VEPH1: variants seen among roughly 807,000 people sequenced by gnomAD.
The protein encoded by VEPH1 is ventricular zone-expressed PH domain-containing protein homolog 1.
In VEPH1, 80 loss-of-function variants were observed where a neutral mutation model predicts 85.2. That is an observed-to-expected ratio of 0.94 (90% confidence interval 0.78 to 1.13). The LOEUF is 1.13. Among genes scored for constraint, VEPH1 ranks in the 50% most tolerant of loss-of-function variants. The pLI is 0.00. For missense variants in VEPH1, 955 were observed against 980.5 expected (o/e 0.97, Z 0.35); for synonymous variants, 297 against 348.0 (o/e 0.85, Z 1.63).
Position 157,364,421 on chromosome 3 carries a change from C to G in VEPH1, c.1219G>C (p.Val407Leu), listed in dbSNP as rs767375080. ...TENEDHEKLQVKIQAFEDKIN... is the reference protein window; with the variant it reads ...TENEDHEKLQLKIQAFEDKIN... Reference sequence around the variant, plus strand: ...TTGTCTTCAAAAGCCTGGATTTTAACTTGGAGTTTTTCATGGTCTTCATTT... The same window carrying G: ...TTGTCTTCAAAAGCCTGGATTTTAAGTTGGAGTTTTTCATGGTCTTCATTT... Residue 407 changes from valine to leucine, a missense_variant, in exon 8 of 14, where the codon GTT becomes CTT. Physicochemically the swap from Val to Leu is conservative, Grantham distance 32 (BLOSUM62 1). Transcript: ENST00000362010. 6.2e-7 allele frequency: 1 copy of G among 1,613,984 alleles called. No homozygotes were observed. The highest frequency in any genetic ancestry group is 8.5e-7 in the Non-Finnish European group (1 of 1,179,936).
chr3:157,454,730 A>T (rs1735227562), intron 4 of VEPH1, among the ~76,000 whole-genome samples: 1 of 152,138 alleles, frequency 6.6e-6, no homozygotes, highest in African/African-American at 2.4e-5. Flanking sequence ...GTACCCAATA[A>T]GTAGTTTTTC....
intron 8 of VEPH1, 132 bp downstream of exon 8, chr3:157,364,171 A>C: frequency 3.0e-6 from 2 of 670,258 alleles, no homozygotes; most frequent in Non-Finnish European, 2.5e-6. Context: ...ATGATATTTC[A>C]TTCATGTAAG....
At chr3:157,386,845 T>A (rs1729359340) in intron 6 of VEPH1, among the ~76,000 whole-genome samples, 2 of 152,250 alleles carry the variant, frequency 1.3e-5, no homozygotes, top group African/African-American at 4.8e-5. Flanking sequence ...CATTGCTTTG[T>A]TCTATTAATG....
At chr3:157,447,159 G>A (rs1347452702) in intron 4 of VEPH1, among the ~76,000 whole-genome samples, 1 of 152,192 alleles carries the variant, frequency 6.6e-6, no homozygotes, top group Admixed American at 6.5e-5. Context: ...TTGTGGGTAA[G>A]TCATTTTCAG....
In VEPH1 at chr3:157,324,288, C is replaced by T. The variant is rs142769837; in HGVS notation, c.1736-7087G>A. On this transcript the variant is annotated intron_variant, in intron 9 of 13. Coordinates refer to ENST00000362010, the MANE Select transcript of VEPH1 (RefSeq NM_001167912.2). Reference sequence around the variant, plus strand: ...GGCCAGGCTGGTCTTGAACTCCTGACCTCAGGTGATCCGCCCACCTCAGCC... The same window carrying T: ...GGCCAGGCTGGTCTTGAACTCCTGATCTCAGGTGATCCGCCCACCTCAGCC... Among the ~76,000 whole-genome samples the T allele has an allele frequency of 9.8e-3, 1,488 of 152,142 alleles. 22 individuals carry two copies. The highest frequency in any genetic ancestry group is 0.034 in the African/African-American group (1,412 of 41,484).
intron 9 of VEPH1, among the ~76,000 whole-genome samples, chr3:157,345,346 A>G (rs1724093369): frequency 6.6e-6 from 1 of 152,140 alleles, no homozygotes; most frequent in Non-Finnish European, 1.5e-5. Flanking sequence ...AAACAACCCC[A>G]TCAAAATCAA....
At chr3:157,442,682 G>T (rs1316695249) in intron 4 of VEPH1, 2 of 1,614,114 alleles carry the variant, frequency 1.2e-6, no homozygotes, top group African/African-American at 2.7e-5. Flanking sequence ...TCACATCCTT[G>T]TGGGTAAATG....
intron 3 of VEPH1, among the ~76,000 whole-genome samples, chr3:157,462,645 T>C (rs1213483746): frequency 6.6e-6 from 1 of 152,204 alleles, no homozygotes; most frequent in Non-Finnish European, 1.5e-5. Context: ...ATCCAGTCCA[T>C]AAATCTTTCC....
chr3:157,393,320 G>T (rs1454041126), intron 6 of VEPH1, among the ~76,000 whole-genome samples: 3 of 152,162 alleles, frequency 2.0e-5, no homozygotes, highest in African/African-American at 7.2e-5. Context: ...ATCAGCTTTA[G>T]TTGCAAATGC....
At chr3:157,493,314 G>A in intron 2 of VEPH1, 1 of 456,114 alleles carries the variant, frequency 2.2e-6, no homozygotes, top group South Asian at 1.6e-5. Flanking sequence ...ATTGAGAAGT[G>A]GAATTGATTA....
At chr3:157,323,312 G>A (rs1229322621) in intron 9 of VEPH1, among the ~76,000 whole-genome samples, 1 of 152,202 alleles carries the variant, frequency 6.6e-6, no homozygotes, top group Non-Finnish European at 1.5e-5. Context: ...TTATTCATGA[G>A]TGGACACTGC....
chr3:157,490,169 A>G (rs1739094619), intron 2 of VEPH1, among the ~76,000 whole-genome samples: 1 of 152,024 alleles, frequency 6.6e-6, no homozygotes, highest in Non-Finnish European at 1.5e-5. Context: ...CACCCAGTTA[A>G]GATACTGATA....
In VEPH1 at chr3:157,335,778, T is replaced by C. The variant is rs145095274; in HGVS notation, c.1736-18577A>G. On this transcript the variant is annotated intron_variant, in intron 9 of 13. Coordinates refer to ENST00000362010, the MANE Select transcript of VEPH1 (RefSeq NM_001167912.2). ...TCTGCTGGGAAAAAGATGGGAGTTA[T>C]TGGCTCCGAGTTAGTGAAGCCTCTT... 3.7e-4 allele frequency among the ~76,000 whole-genome samples: 56 copies of C among 152,332 alleles called. 1 individual carries two copies. Among genetic ancestry groups the C allele is most frequent in the African/African-American group, 1.3e-3 (54 of 41,568 alleles).
rs185363284 is a variant in VEPH1, at chr3:157,304,317, T to G, written c.2010+9304A>C. Among the ~76,000 whole-genome samples the G allele has an allele frequency of 2.0e-3, 301 of 152,236 alleles. 1 individual carries two copies. The highest frequency in any genetic ancestry group is 3.4e-3 in the Middle Eastern group (1 of 294). On this transcript the variant is annotated intron_variant, in intron 11 of 13. Transcript: ENST00000362010. ...GTTAGCCAGATGGGGCACATTTTAC[T>G]TCAGCAGAAAATGTAGTTTATTTTA...
chr3:157,331,110 T>A (rs533540858), intron 9 of VEPH1, among the ~76,000 whole-genome samples: 30 of 152,308 alleles, frequency 2.0e-4, no homozygotes, highest in African/African-American at 7.2e-4. Flanking sequence ...GTCCTGGAGC[T>A]CTTGCTGCCC....
At chr3:157,375,826 G>A (rs1207752031) in intron 7 of VEPH1, among the ~76,000 whole-genome samples, 1 of 152,092 alleles carries the variant, frequency 6.6e-6, no homozygotes, top group Non-Finnish European at 1.5e-5. Flanking sequence ...TGAAGAGCAA[G>A]CATAAAATCT....
intron 2 of VEPH1, among the ~76,000 whole-genome samples, chr3:157,484,415 C>T (rs1738431047): frequency 6.6e-6 from 1 of 152,080 alleles, no homozygotes; most frequent in Non-Finnish European, 1.5e-5. Context: ...GATCCTCTTG[C>T]CTCACCATGC....
chr3:157,286,541 G>T lies in VEPH1; in HGVS notation c.2128+16C>A. 1 of 1,604,496 alleles carries T rather than the reference G, an allele frequency of 6.2e-7. No homozygotes were observed. The highest frequency in any genetic ancestry group is 8.5e-7 in the Non-Finnish European group (1 of 1,171,376). On this transcript the variant is annotated intron_variant, in intron 12 of 13. Transcript: ENST00000362010. ...GGGGCACAAATGGTTCTTAGCAGCAGGTAAGGGTCTCTCACCAGTTGCTTT... is the reference window on the plus strand; with the variant it reads ...GGGGCACAAATGGTTCTTAGCAGCATGTAAGGGTCTCTCACCAGTTGCTTT...
At chr3:157,462,109 T>C (rs1292712996) in intron 3 of VEPH1, among the ~76,000 whole-genome samples, 1 of 148,660 alleles carries the variant, frequency 6.7e-6, no homozygotes, top group African/African-American at 2.4e-5. Flanking sequence ...ATATACACAC[T>C]CTTCCAATCC....
Sources: gnomAD v4.1 joint callset for allele counts (sites outside exome capture counted in the v4.1 genomes callset) on GRCh38, gnomAD v4.1.1 for gene constraint, MANE v1.5 for transcripts, NCBI Gene and HGNC (gene_info 2026-07-23, HGNC 2026-07-21) for gene names.